GCNT4: variants seen among roughly 807,000 people sequenced by gnomAD.
The protein encoded by GCNT4 is glucosaminyl (N-acetyl) transferase 4.
GCNT4 carries 17 observed loss-of-function variants against 31.3 expected under a neutral mutation model. The observed-to-expected ratio is 0.54, with a 90% CI of 0.37 to 0.81. GCNT4 has a LOEUF of 0.81. GCNT4 is among the 40% of genes least tolerant of loss of function. The pLI is 0.00. For missense variants in GCNT4, 503 were observed against 525.5 expected, an observed-to-expected ratio of 0.96 and a Z score of 0.42; for synonymous variants, 158 against 190.6, an observed-to-expected ratio of 0.83 and a Z score of 1.41.
downstream of GCNT4, among the ~76,000 whole-genome samples, chr5:75,021,385 C>T (rs1426993163): frequency 1.3e-5 from 2 of 152,206 alleles, no homozygotes; most frequent in Admixed American, 6.5e-5. Flanking sequence ...TTAGATCAGG[C>T]GCCCACTCCT....
chr5:75,038,241 C>A (rs1009577193), intron 3 of GCNT4, among the ~76,000 whole-genome samples: 5 of 152,104 alleles, frequency 3.3e-5, no homozygotes, highest in African/African-American at 1.2e-4. Flanking sequence ...AGGAAAAAAA[C>A]CATTCAAATA....
chr5:75,025,120 A>C (rs977516997), downstream of GCNT4, among the ~76,000 whole-genome samples: 1 of 152,194 alleles, frequency 6.6e-6, no homozygotes, highest in Admixed American at 6.5e-5. Flanking sequence ...AACCAACCTG[A>C]AGTAGGAGGA....
At chr5:75,053,202 G>T (rs901956924), upstream of GCNT4, among the ~76,000 whole-genome samples, 1 of 141,540 alleles carries the variant, frequency 7.1e-6, no homozygotes, top group African/African-American at 3.0e-5. Flanking sequence ...AAGTTGCGGC[G>T]TCTGCTAGGC....
intron 3 of GCNT4, among the ~76,000 whole-genome samples, chr5:75,031,546 G>A (rs1743062029): frequency 6.6e-6 from 1 of 152,102 alleles, no homozygotes; most frequent in Admixed American, 6.5e-5. Context: ...ACAGGCAGCT[G>A]GCTGGATTCA....
chr5:75,052,266 AAG>A (rs1361037100), intron 1 of GCNT4, 39 bp from the exon 2 acceptor site: 3 of 151,962 alleles, frequency 2.0e-5, no homozygotes, highest in Non-Finnish European at 4.4e-5. Context: ...AAAAAAGAAA[AAG>A]AAAAAAATGA....
rs1447240815 is a variant in GCNT4, at chr5:75,027,935, C to A, written c.*741G>T. On this transcript the variant is annotated 3_prime_UTR_variant, in exon 4 of 4. Transcript: ENST00000652361. The stretch of plus-strand genomic sequence containing the variant: ...ACTAAAAAGGAGGCCATTCATGATA[C>A]TGTTTTGTAACATGATAAAAATGTT... 2 of 152,416 alleles carry A rather than the reference C, an allele frequency of 1.3e-5. No individual in the cohort carries two copies. The highest frequency in any genetic ancestry group is 2.9e-5 in the Non-Finnish European group (2 of 68,000). 9.4% of individuals were successfully genotyped at this position (152,416 alleles called of 1,614,324 possible). A position where few individuals can be genotyped will look rare whatever the true frequency, so the allele number is the denominator to read the frequency against.
At chr5:75,045,685 C>T (rs543634765) in intron 3 of GCNT4, among the ~76,000 whole-genome samples, 11 of 152,294 alleles carry the variant, frequency 7.2e-5, no homozygotes, top group Non-Finnish European at 1.6e-4. Context: ...AGTTTCTATC[C>T]TGGTTGCCCA....
At chr5:75,038,253 T>C (rs1019223783) in intron 3 of GCNT4, among the ~76,000 whole-genome samples, 11 of 152,176 alleles carry the variant, frequency 7.2e-5, no homozygotes, top group African/African-American at 2.4e-4. Context: ...ATTCAAATAA[T>C]AGAATTCATG....
At chr5:75,051,078 T>C (rs1425854784) in intron 2 of GCNT4, among the ~76,000 whole-genome samples, 1 of 152,236 alleles carries the variant, frequency 6.6e-6, no homozygotes, top group Non-Finnish European at 1.5e-5. Flanking sequence ...ATACTGAACC[T>C]GTCTTTTCTT....
chr5:75,022,826 C>T (rs1016477463), downstream of GCNT4, among the ~76,000 whole-genome samples: 7 of 152,186 alleles, frequency 4.6e-5, no homozygotes, highest in African/African-American at 1.7e-4. Flanking sequence ...CTGTCCCTGC[C>T]ATATAACTCC....
chr5:75,033,673 ATTTT>A (rs772607869), intron 3 of GCNT4, among the ~76,000 whole-genome samples: 96 of 145,526 alleles, frequency 6.6e-4, no homozygotes, highest in Middle Eastern at 3.6e-3. Flanking sequence ...TTATTTATTT[ATTTT>A]TTTTTTTTTA....
chr5:75,034,045 C>G (rs1580238463), intron 3 of GCNT4, among the ~76,000 whole-genome samples: 1 of 152,206 alleles, frequency 6.6e-6, no homozygotes, highest in African/African-American at 2.4e-5. Flanking sequence ...CACAGAAATA[C>G]CTTTAACTGA....
chr5:75,046,788 G>A (rs907068961), intron 3 of GCNT4, among the ~76,000 whole-genome samples: 1 of 152,186 alleles, frequency 6.6e-6, no homozygotes, highest in Non-Finnish European at 1.5e-5. Context: ...TTAAAAATAG[G>A]CCACTCCAAA....
intron 3 of GCNT4, among the ~76,000 whole-genome samples, chr5:75,046,109 T>C (rs1743432321): frequency 6.6e-6 from 1 of 152,230 alleles, no homozygotes; most frequent in South Asian, 2.1e-4. Flanking sequence ...TTAATGTTTT[T>C]TTCACATTGT....
intron 3 of GCNT4, among the ~76,000 whole-genome samples, chr5:75,032,815 C>A (rs1743093989): frequency 6.7e-6 from 1 of 150,212 alleles, no homozygotes; most frequent in Non-Finnish European, 1.5e-5. Flanking sequence ...GAAGCCTGGG[C>A]ACATGTGTAG....
rs1743028004 is a variant in GCNT4, at chr5:75,030,018, T to C, written c.20A>G (p.Tyr7Cys). Residue 7 changes from tyrosine to cysteine, a missense_variant, in exon 4 of 4, where the codon TAT becomes TGT. By Grantham distance (194) the Tyr-to-Cys change is radical. Transcript: ENST00000652361. MKIFKC[Y>C]FKHTLQQKVF... The stretch of plus-strand genomic sequence containing the variant: ...TTTCTGCTGTAGGGTATGTTTAAAA[T>C]AACATTTGAATATCTTCATTCTGTA... 2 of 1,598,040 alleles carry C rather than the reference T, an allele frequency of 1.3e-6. No homozygotes were observed. The highest frequency in any genetic ancestry group is 1.7e-6 in the Non-Finnish European group (2 of 1,174,580).
chr5:75,041,228 C>T (rs941408419), intron 3 of GCNT4, among the ~76,000 whole-genome samples: 1 of 152,262 alleles, frequency 6.6e-6, no homozygotes, highest in African/African-American at 2.4e-5. Flanking sequence ...GAAGATTCTG[C>T]AGCAATGTGA....
At chr5:75,052,294 C>G (rs1291650770) in intron 1 of GCNT4, 67 bp from the exon 2 acceptor site, 1 of 151,694 alleles carries the variant, frequency 6.6e-6, no homozygotes, top group Non-Finnish European at 1.5e-5. Flanking sequence ...AAAAGTGCCC[C>G]AAGGCCAATA....
rs1239772579 is a variant in GCNT4, at chr5:75,028,571, A to T, written c.*105T>A. The T allele has an allele frequency of 1.8e-6, 2 of 1,117,160 alleles. No homozygotes were observed. Among genetic ancestry groups the T allele is most frequent in the Non-Finnish European group, 2.5e-6 (2 of 792,290 alleles). The allele number at this position is 1,117,160 out of a possible 1,614,324, so 69.2% of individuals were successfully genotyped here. A position where few individuals can be genotyped will look rare whatever the true frequency, so the allele number is the denominator to read the frequency against. On this transcript the variant is annotated 3_prime_UTR_variant, in exon 4 of 4. Coordinates refer to ENST00000652361, the MANE Select transcript of GCNT4 (RefSeq NM_001366737.1). ...GTATGGAATTTTGGACACCTTTTAAAATATGGGAGGACTGAGTTTAAACAG... is the reference window on the plus strand; with the variant it reads ...GTATGGAATTTTGGACACCTTTTAATATATGGGAGGACTGAGTTTAAACAG...
Sources: gnomAD v4.1 joint callset for allele counts (sites outside exome capture counted in the v4.1 genomes callset) on GRCh38, gnomAD v4.1.1 for gene constraint, MANE v1.5 for transcripts, NCBI Gene and HGNC (gene_info 2026-07-23, HGNC 2026-07-21) for gene names.